The following SVIL variants were observed in gnomAD, a reference collection of about 807,000 sequenced individuals.
The protein encoded by SVIL is supervillin.
SVIL carries 101 observed loss-of-function variants against 240.4 expected under a neutral mutation model. That is an observed-to-expected ratio of 0.42 (90% confidence interval 0.36 to 0.50). The LOEUF (loss-of-function observed/expected upper bound fraction) is 0.50, where lower values mean the gene tolerates loss of function less well. SVIL is among the 20% of genes least tolerant of loss of function. The probability of loss-of-function intolerance (pLI) is 0.01; values close to 1 mark genes in which losing one functional copy is unlikely to be tolerated. For synonymous variants in SVIL, 999 were observed against 1,100.0 expected, an observed-to-expected ratio of 0.91 and a Z score of 1.82; for missense variants, 2,512 against 2,818.7, an observed-to-expected ratio of 0.89 and a Z score of 2.46.
At chr10:29,472,103 CT>C in intron 30 of SVIL, among the ~76,000 whole-genome samples, 1 of 152,180 alleles carries the variant, frequency 6.6e-6, no homozygotes, top group African/African-American at 2.4e-5. Context: ...AGTGAGACCC[CT>C]GTCTCAAAAA....
intron 5 of SVIL, among the ~76,000 whole-genome samples, chr10:29,554,304 GT>G (rs1176923711): frequency 3.3e-5 from 5 of 151,504 alleles, no homozygotes; most frequent in African/African-American, 9.7e-5. Flanking sequence ...GTGAGACTCT[GT>G]CTCTAAAAAA....
At chr10:29,708,114 C>T (rs1191143216) in intron 1 of SVIL, among the ~76,000 whole-genome samples, 1 of 151,734 alleles carries the variant, frequency 6.6e-6, no homozygotes, top group African/African-American at 2.4e-5. Flanking sequence ...AAAAATTAGC[C>T]AGGCATGGTG....
intron 2 of SVIL, among the ~76,000 whole-genome samples, chr10:29,676,819 G>A (rs1013531848): frequency 6.6e-6 from 1 of 152,150 alleles, no homozygotes; most frequent in African/African-American, 2.4e-5. Context: ...TGGCCGTTTG[G>A]AGTCGATTTT....
At chr10:29,553,673 G>T (rs12413490) in intron 5 of SVIL, among the ~76,000 whole-genome samples, 18,388 of 152,258 alleles carry the variant, frequency 0.12, 1,251 homozygotes, top group Non-Finnish European at 0.15. Context: ...AGCCCTGCGT[G>T]CATTCTCCTC....
intron 36 of SVIL, 97 bp downstream of exon 36, chr10:29,462,179 AC>A: frequency 7.1e-7 from 1 of 1,417,260 alleles, no homozygotes; most frequent in Admixed American, 2.5e-5. Context: ...ATATTTTCCC[AC>A]TCTGAAAGTG....
chr10:29,564,096 G>A (rs1220436677), intron 2 of SVIL, among the ~76,000 whole-genome samples: 1 of 152,004 alleles, frequency 6.6e-6, no homozygotes, highest in South Asian at 2.1e-4. Flanking sequence ...AAAAGCACCT[G>A]CTTTGTAATA....
intron 30 of SVIL, chr10:29,473,543 A>C (rs2281947): frequency 0.37 from 161,653 of 433,716 alleles, 31,482 homozygotes; most frequent in East Asian, 0.53. Flanking sequence ...CAGTGCCTTG[A>C]TTGGTTAGGT....
chr10:29,520,484 G>A (rs368192465), intron 16 of SVIL, among the ~76,000 whole-genome samples: 5 of 152,112 alleles, frequency 3.3e-5, no homozygotes, highest in African/African-American at 1.2e-4. Context: ...AGCCTGCCAG[G>A]TCTAACTTAT....
At position 29,580,899 on chromosome 10, in the gene SVIL, T is replaced by C. The variant is rs569014826; in HGVS notation, c.-200-11587A>G. On this transcript the variant is annotated intron_variant, in intron 1 of 37. Coordinates refer to ENST00000355867, the MANE Select transcript of SVIL (RefSeq NM_021738.3). ...CTGGCCTGAAGTGATTCTTCCACCT[T>C]GGCCTCCCGAAGTGCTGGGATTACA... Among the ~76,000 whole-genome samples the C allele has an allele frequency of 1.4e-4, 21 of 152,294 alleles. No homozygotes were observed. The South Asian group carries it at 4.1e-3, about 30-fold the overall frequency.
At chr10:29,488,560 C>G in intron 23 of SVIL, 41 bp downstream of exon 23, 2 of 1,515,800 alleles carry the variant, frequency 1.3e-6, no homozygotes, top group Non-Finnish European at 8.8e-7. Context: ...CAGACAGAAA[C>G]CACGGGCCCT....
chr10:29,554,659 A>C (rs560227243), intron 5 of SVIL, 124 bp downstream of exon 5: 7 of 1,270,616 alleles, frequency 5.5e-6, no homozygotes, highest in Non-Finnish European at 7.1e-6. Context: ...TGTGCTAAAA[A>C]AATTATATCC....
In SVIL at chr10:29,488,895, G is replaced by A. The variant is rs1947690110; in HGVS notation, c.4193-139C>T. 4 of 939,102 alleles carry A rather than the reference G, an allele frequency of 4.3e-6. 1 individual carries two copies. Among genetic ancestry groups the A allele is most frequent in the Non-Finnish European group, 1.6e-6 (1 of 636,868 alleles). 58.2% of individuals were successfully genotyped at this position (939,102 alleles called of 1,614,324 possible). On this transcript the variant is annotated intron_variant, in intron 22 of 37. Coordinates refer to ENST00000355867, the MANE Select transcript of SVIL (RefSeq NM_021738.3). The stretch of plus-strand genomic sequence containing the variant: ...CGAGAGGGAAAACATACTCAAGTTT[G>A]ATTAAATGTGCAATTCAATGCTTAA...
chr10:29,502,459 T>C (rs186227840), intron 17 of SVIL, among the ~76,000 whole-genome samples: 1 of 152,310 alleles, frequency 6.6e-6, no homozygotes, highest in East Asian at 1.9e-4. Flanking sequence ...GGATGTTATA[T>C]ATATAGTAAT....
intron 1 of SVIL, among the ~76,000 whole-genome samples, chr10:29,701,781 T>A (rs1031488330): frequency 1.3e-5 from 2 of 152,200 alleles, no homozygotes; most frequent in African/African-American, 4.8e-5. Context: ...CCCCAAGCTA[T>A]CTTTTGTGGC....
intron 2 of SVIL, among the ~76,000 whole-genome samples, chr10:29,666,388 C>A (rs1190382421): frequency 2.0e-5 from 3 of 152,140 alleles, no homozygotes; most frequent in Admixed American, 1.3e-4. Flanking sequence ...ACTTCTCTGC[C>A]TGGGGCAAAA....
intron 1 of SVIL, among the ~76,000 whole-genome samples, chr10:29,622,425 T>C (rs1957697641): frequency 6.6e-6 from 1 of 152,068 alleles, no homozygotes; most frequent in Admixed American, 6.6e-5. Context: ...GTCAGAGGTT[T>C]ATGAGTTGCA....
chr10:29,627,297 G>C (rs1200858739), intron 1 of SVIL, among the ~76,000 whole-genome samples: 1 of 152,010 alleles, frequency 6.6e-6, no homozygotes, highest in African/African-American at 2.4e-5. Context: ...GAAACCTTTG[G>C]ATTACAGAAT....
At chr10:29,553,677 T>G (rs1397133874) in intron 5 of SVIL, among the ~76,000 whole-genome samples, 1 of 152,146 alleles carries the variant, frequency 6.6e-6, no homozygotes, top group Non-Finnish European at 1.5e-5. Context: ...CTGCGTGCAT[T>G]CTCCTCTCCT....
At chr10:29,678,111 C>T (rs1457625837) in intron 2 of SVIL, among the ~76,000 whole-genome samples, 1 of 152,170 alleles carries the variant, frequency 6.6e-6, no homozygotes, top group African/African-American at 2.4e-5. Flanking sequence ...TTGTGGAAGA[C>T]AATTTTTCCA....
Sources: gnomAD v4.1 joint callset for allele counts (sites outside exome capture counted in the v4.1 genomes callset) on GRCh38, gnomAD v4.1.1 for gene constraint, MANE v1.5 for transcripts, NCBI Gene and HGNC (gene_info 2026-07-23, HGNC 2026-07-21) for gene names.